The following PDE1B variants were observed in gnomAD, a reference collection of about 807,000 sequenced individuals.
PDE1B encodes phosphodiesterase 1B.
PDE1B carries 13 observed loss-of-function variants against 66.7 expected under a neutral mutation model. The observed-to-expected ratio is 0.19, with a 90% CI of 0.13 to 0.31. PDE1B has a LOEUF of 0.31. PDE1B is among the 10% of genes least tolerant of loss of function. PDE1B has a pLI of 1.00. For synonymous variants in PDE1B, 230 were observed against 253.9 expected (o/e 0.91, Z 0.90); for missense variants, 485 against 682.3 (o/e 0.71, Z 3.22).
At chr12:54,572,510 G>A (rs1957633954) in intron 6 of PDE1B, 91 bp from the exon 7 acceptor site, 4 of 1,239,934 alleles carry the variant, frequency 3.2e-6, no homozygotes, top group Non-Finnish European at 4.7e-6. Context: ...ATGCCACACT[G>A]CCTTCTAAAG....
Position 54,550,147 on chromosome 12 carries a change from A to G in PDE1B, c.113+162A>G, listed in dbSNP as rs1178002720. ...GCCCTGACACGCGTGGCCAGGCCAC[A>G]TGTGCAAGGCATGTGCGGAGCAAGC... is the stretch of plus-strand genomic sequence containing the variant. On this transcript the variant is annotated intron_variant, in intron 2 of 15. Coordinates refer to ENST00000243052, the MANE Select transcript of PDE1B (RefSeq NM_000924.4). The G allele has an allele frequency of 2.8e-6, 4 of 1,438,366 alleles. No individual in the cohort carries two copies. The Admixed American group carries it at 7.9e-5, about 28-fold the overall frequency. The allele number at this position is 1,438,366 out of a possible 1,614,324, so 89.1% of individuals were successfully genotyped here.
chr12:54,565,916 C>T (rs926731919), intron 2 of PDE1B, among the ~76,000 whole-genome samples: 2 of 152,184 alleles, frequency 1.3e-5, no homozygotes, highest in Non-Finnish European at 2.9e-5. Context: ...CTCCCTGACT[C>T]ATAGGGTGAC....
intron 2 of PDE1B, among the ~76,000 whole-genome samples, chr12:54,553,134 G>GA (rs1957300370): frequency 6.6e-6 from 1 of 150,578 alleles, no homozygotes; most frequent in Non-Finnish European, 1.5e-5. Context: ...AAGTGGTGTA[G>GA]AGAGGCAGGG....
At chr12:54,556,879 C>T (rs928801574) in intron 2 of PDE1B, among the ~76,000 whole-genome samples, 1 of 65,936 alleles carries the variant, frequency 1.5e-5, no homozygotes, top group African/African-American at 6.1e-5. Flanking sequence ...GGGTTGAGGG[C>T]TGGGGGCTGG....
At chr12:54,562,475 C>T (rs1235743956) in intron 2 of PDE1B, among the ~76,000 whole-genome samples, 1 of 152,112 alleles carries the variant, frequency 6.6e-6, no homozygotes, top group East Asian at 1.9e-4. Flanking sequence ...TTCCTTGGGG[C>T]CAGATGTGGA....
intron 3 of PDE1B, among the ~76,000 whole-genome samples, chr12:54,567,416 T>C (rs1957534322): frequency 6.6e-6 from 1 of 151,670 alleles, no homozygotes; most frequent in South Asian, 2.1e-4. Context: ...GGTGGAAGGA[T>C]GGCTTGAGCC....
rs1036268330 is a variant in PDE1B, at chr12:54,578,728, G to A, written c.*886G>A. ...CTCCCCAGCAAAGCACCTTCAGAAT[G>A]TATCGACACCAGCTGGGTTAGGGTC... is the stretch of plus-strand genomic sequence containing the variant. On this transcript the variant is annotated 3_prime_UTR_variant, in exon 16 of 16. Transcript: ENST00000243052. 6 of 152,236 alleles carry A rather than the reference G, an allele frequency of 3.9e-5. No homozygotes were observed. Among genetic ancestry groups the A allele is most frequent in the Admixed American group, 6.5e-5 (1 of 15,276 alleles). The allele number at this position is 152,236 out of a possible 1,614,324, so 9.4% of individuals were successfully genotyped here.
chr12:54,578,597 C>T lies in PDE1B; in HGVS notation c.*755C>T, dbSNP rs904044872. ...GACCTTCCTTGGGACTGGTCTGGGCCCCTGGGGCTTGTCGCCTGCCCTGAG... is the reference window on the plus strand; with the variant it reads ...GACCTTCCTTGGGACTGGTCTGGGCTCCTGGGGCTTGTCGCCTGCCCTGAG... On this transcript the variant is annotated 3_prime_UTR_variant, in exon 16 of 16. Transcript: ENST00000243052. 2 of 152,234 alleles carry T rather than the reference C, an allele frequency of 1.3e-5. No individual in the cohort carries two copies. The highest frequency in any genetic ancestry group is 4.8e-5 in the African/African-American group (2 of 41,414). The allele number at this position is 152,234 out of a possible 1,614,324, so 9.4% of individuals were successfully genotyped here.
chr12:54,572,731 C>T lies in PDE1B; in HGVS notation c.725C>T (p.Thr242Ile). The change falls in exon 7 of 16, where the codon ACA becomes ATA. Residue 242 changes from threonine to isoleucine, a missense_variant. Physicochemically the swap from Thr to Ile is moderately conservative, Grantham distance 89 (BLOSUM62 -1). Around this residue, in one of 4 missense-constraint regions of PDE1B, gnomAD observed 282 missense variants for 453.4 expected, o/e 0.62. Coordinates refer to ENST00000243052, the MANE Select transcript of PDE1B (RefSeq NM_000924.4). ...ACAGTCCATTGCTTCTTGCTCCGCACAGGGATGGTGGTAGGTGCCCTGGAG... is the reference window on the plus strand; with the variant it reads ...ACAGTCCATTGCTTCTTGCTCCGCATAGGGATGGTGGTAGGTGCCCTGGAG... ...TQTVHCFLLR[T>I]GMVHCLSEIE... 1 of 1,614,108 alleles carries T rather than the reference C, an allele frequency of 6.2e-7. No individual in the cohort carries two copies. The highest frequency in any genetic ancestry group is 8.5e-7 in the Non-Finnish European group (1 of 1,179,942).
chr12:54,573,888 T>A lies in PDE1B; in HGVS notation c.1064+179T>A, dbSNP rs1351656173. ...GAGAGAGAGTGTGTGTGTGTGTGTG[T>A]GTGTGTGTGTGTGTGTGTGTGTGTC... On this transcript the variant is annotated intron_variant, in intron 10 of 15. Transcript: ENST00000243052. The surrounding 1 kb of genome is among the most constrained non-coding windows in gnomAD (Gnocchi z 5.2). The A allele has an allele frequency of 2.2e-4, 130 of 589,128 alleles. 1 individual carries two copies. The highest frequency in any genetic ancestry group is 4.6e-4 in the Middle Eastern group (1 of 2,186). 36.5% of individuals were successfully genotyped at this position (589,128 alleles called of 1,614,324 possible).
intron 2 of PDE1B, among the ~76,000 whole-genome samples, chr12:54,551,435 A>G (rs1957276616): frequency 6.6e-6 from 1 of 152,180 alleles, no homozygotes; most frequent in Admixed American, 6.5e-5. Flanking sequence ...ATGGAAAACC[A>G]GATTGAACTG....
chr12:54,569,593 C>G lies in PDE1B; in HGVS notation c.458C>G (p.Ala153Gly), dbSNP rs571112837. Residue 153 changes from alanine to glycine, a missense_variant, in exon 5 of 16, where the codon GCG (alanine) becomes GGG (glycine). Ala to Gly is a moderately conservative substitution (Grantham distance 60, BLOSUM62 0). Transcript: ENST00000243052. The surrounding 1 kb of genome is among the most constrained non-coding windows in gnomAD (Gnocchi z 4.4). The part of the protein sequence containing the change: ...YTSVGPTYST[A>G]VLNCLKNLDL... ...TCTGTGGGCCCCACTTACTCTACTG[C>G]GGTTCTCAACTGTCTCAAGGTAATC... is the stretch of plus-strand genomic sequence containing the variant. The G allele has an allele frequency of 1.2e-5, 20 of 1,612,654 alleles. No homozygotes were observed. The South Asian group carries it at 2.2e-4, about 18-fold the overall frequency.
At chr12:54,557,098 G>A (rs1016623577) in intron 2 of PDE1B, among the ~76,000 whole-genome samples, 1 of 152,150 alleles carries the variant, frequency 6.6e-6, no homozygotes, top group Admixed American at 6.5e-5. Context: ...TGAACACACA[G>A]GCCAACGGAA....
chr12:54,573,901 G>A lies in PDE1B; in HGVS notation c.1064+192G>A. 1.7e-6 allele frequency: 1 copy of A among 590,950 alleles called. No individual in the cohort carries two copies. The allele number at this position is 590,950 out of a possible 1,614,324, so 36.6% of individuals were successfully genotyped here. On this transcript the variant is annotated intron_variant, in intron 10 of 15. Coordinates refer to ENST00000243052, the MANE Select transcript of PDE1B (RefSeq NM_000924.4). The surrounding 1 kb of genome is among the most constrained non-coding windows in gnomAD (Gnocchi z 5.2). ...TGTGTGTGTGTGTGTGTGTGTGTGT[G>A]TGTGTGTGTGTCCTTACGTTTACTC...
At position 54,576,627 on chromosome 12, in the gene PDE1B, T is replaced by C; in HGVS notation, c.1433T>C (p.Val478Ala). The change falls in exon 14 of 16, where the codon GTG becomes GCG. Residue 478 changes from valine to alanine, a missense_variant. Transcript: ENST00000243052. ...GAAGTGGGAGACCCCAACCCTGATG[T>C]GGTCAGCTTTCGTTCCACCTGGGTC... is the stretch of plus-strand genomic sequence containing the variant. ...DVEVGDPNPD[V>A]VSFRSTWVKR... 6.2e-7 allele frequency: 1 copy of C among 1,613,828 alleles called. No homozygotes were observed. The highest frequency in any genetic ancestry group is 8.5e-7 in the Non-Finnish European group (1 of 1,179,816).
intron 2 of PDE1B, among the ~76,000 whole-genome samples, chr12:54,563,108 A>G (rs1030006996): frequency 6.6e-6 from 1 of 152,144 alleles, no homozygotes; most frequent in African/African-American, 2.4e-5. Flanking sequence ...TATTTAATGA[A>G]CTTTTACTGA....
chr12:54,576,593 C>G lies in PDE1B; in HGVS notation c.1399C>G (p.Leu467Val). 6.2e-7 allele frequency: 1 copy of G among 1,614,084 alleles called. No individual in the cohort carries two copies. The highest frequency in any genetic ancestry group is 8.5e-7 in the Non-Finnish European group (1 of 1,180,018). The change falls in exon 14 of 16, where the codon CTG (leucine) becomes GTG (valine). Residue 467 changes from leucine to valine, a missense_variant. Physicochemically the swap from Leu to Val is conservative, Grantham distance 32. Coordinates refer to ENST00000243052, the MANE Select transcript of PDE1B (RefSeq NM_000924.4). ...TAGCTTTCAGTGGCGCCAGCCCTCTCTGGATGTGGAAGTGGGAGACCCCAA... is the reference window on the plus strand; with the variant it reads ...TAGCTTTCAGTGGCGCCAGCCCTCTGTGGATGTGGAAGTGGGAGACCCCAA... Reference protein sequence around the residue: ...QPSFQWRQPSLDVEVGDPNPD... With the variant: ...QPSFQWRQPSVDVEVGDPNPD...
chr12:54,552,973 C>T (rs1957297524), intron 2 of PDE1B, among the ~76,000 whole-genome samples: 1 of 152,220 alleles, frequency 6.6e-6, no homozygotes, highest in African/African-American at 2.4e-5. Context: ...ATTGGTTTGC[C>T]ATCCTCAGCT....
At chr12:54,576,295 C>T in intron 13 of PDE1B, 195 bp downstream of exon 13, 1 of 604,658 alleles carries the variant, frequency 1.7e-6, no homozygotes, top group Non-Finnish European at 2.9e-6. Flanking sequence ...CTATGCTCCC[C>T]TTCACCATAT....
Sources: gnomAD v4.1 joint callset for allele counts (sites outside exome capture counted in the v4.1 genomes callset) on GRCh38, gnomAD v4.1.1 for gene constraint, gnomAD v4.1.1 regional missense constraint, Gnocchi (gnomAD v3.1) non-coding constraint, MANE v1.5 for transcripts, NCBI Gene and HGNC (gene_info 2026-07-23, HGNC 2026-07-21) for gene names.